PDE4B: variants seen among roughly 807,000 people sequenced by gnomAD.
PDE4B encodes the protein phosphodiesterase 4B.
PDE4B carries 20 observed loss-of-function variants against 82.2 expected under a neutral mutation model. The observed-to-expected ratio is 0.24, with a 90% CI of 0.17 to 0.35. The LOEUF is 0.35. PDE4B is among the 10% of genes least tolerant of loss of function. The pLI is 1.00. For synonymous variants in PDE4B, 320 were observed against 318.9 expected, an observed-to-expected ratio of 1.00 and a Z score of -0.04; for missense variants, 655 against 907.2, an observed-to-expected ratio of 0.72 and a Z score of 3.57.
chr1:65,887,246 C>CTTTCT (rs1282290754), intron 1 of PDE4B, among the ~76,000 whole-genome samples: 4 of 21,636 alleles, frequency 1.8e-4, no homozygotes, highest in African/African-American at 7.6e-4. Context: ...TTCTTTCTTT[C>CTTTCT]TTTTCTTTCT....
chr1:66,308,959 A>C (rs1207277080), intron 7 of PDE4B, among the ~76,000 whole-genome samples: 1 of 152,206 alleles, frequency 6.6e-6, no homozygotes, highest in African/African-American at 2.4e-5. Context: ...ATTAGAAAAA[A>C]GAAGGTTCAA....
chr1:66,303,202 A>G (rs2101843702), intron 7 of PDE4B, among the ~76,000 whole-genome samples: 1 of 152,272 alleles, frequency 6.6e-6, no homozygotes, highest in African/African-American at 2.4e-5. Flanking sequence ...TGTAGCCAAG[A>G]GGAAGTTTTG....
chr1:66,005,978 A>G (rs1322737866), intron 3 of PDE4B, among the ~76,000 whole-genome samples: 1 of 152,206 alleles, frequency 6.6e-6, no homozygotes, highest in Non-Finnish European at 1.5e-5. Context: ...TGAATATTCA[A>G]TACCAGTGTT....
intron 3 of PDE4B, among the ~76,000 whole-genome samples, chr1:66,177,563 A>G (rs1646957585): frequency 6.6e-6 from 1 of 152,236 alleles, no homozygotes; most frequent in African/African-American, 2.4e-5. Flanking sequence ...ACTAATAATC[A>G]CTCTGTAAAC....
In PDE4B at chr1:66,363,486, A is replaced by C. The variant is rs775879777; in HGVS notation, c.1199A>C (p.His400Pro). 2 of 1,613,804 alleles carry C rather than the reference A, an allele frequency of 1.2e-6. No homozygotes were observed. Among genetic ancestry groups the C allele is most frequent in the South Asian group, 2.2e-5 (2 of 91,076 alleles). The change falls in exon 12 of 17, where the codon CAT becomes CCT. Residue 400 changes from histidine to proline, a missense_variant. By Grantham distance (77) the His-to-Pro change is moderately conservative. Coordinates refer to ENST00000341517, the MANE Select transcript of PDE4B (RefSeq NM_002600.4). ...ATGATGACTTTAGAAGACCATTACC[A>C]TTCTGACGTGGCATATCACAACAGC... ...TYMMTLEDHYHSDVAYHNSLH... is the reference protein window; with the variant it reads ...TYMMTLEDHYPSDVAYHNSLH...
At chr1:65,939,738 G>A (rs1329593831) in intron 3 of PDE4B, among the ~76,000 whole-genome samples, 1 of 152,098 alleles carries the variant, frequency 6.6e-6, no homozygotes, top group East Asian at 1.9e-4. Context: ...AGTACTAGTT[G>A]TAATTTATAT....
At chr1:66,064,409 G>C (rs1655735545) in intron 3 of PDE4B, among the ~76,000 whole-genome samples, 1 of 151,764 alleles carries the variant, frequency 6.6e-6, no homozygotes, top group Non-Finnish European at 1.5e-5. Flanking sequence ...GTCACTAGCT[G>C]TTCTGCACTA....
intron 3 of PDE4B, among the ~76,000 whole-genome samples, chr1:66,147,749 G>A (rs1306267866): frequency 6.6e-6 from 1 of 152,166 alleles, no homozygotes; most frequent in Non-Finnish European, 1.5e-5. Context: ...ACTTGGAGAT[G>A]TTTTAAATCA....
In PDE4B at chr1:66,373,347, C is replaced by T. The variant is rs1333495229; in HGVS notation, c.*669C>T. 3.3e-5 allele frequency: 5 copies of T among 152,518 alleles called. No homozygotes were observed. The highest frequency in any genetic ancestry group is 7.3e-5 in the Non-Finnish European group (5 of 68,108). 9.4% of individuals were successfully genotyped at this position (152,518 alleles called of 1,614,324 possible). ...TCCAACTCCACAGTCACTCTTAAAA[C>T]TTCTCTCTGTTTGCCTGCCTCCAAC... On this transcript the variant is annotated 3_prime_UTR_variant, in exon 17 of 17. Coordinates refer to ENST00000341517, the MANE Select transcript of PDE4B (RefSeq NM_002600.4).
At chr1:66,130,138 A>C (rs375829943) in intron 3 of PDE4B, among the ~76,000 whole-genome samples, 65 of 152,212 alleles carry the variant, frequency 4.3e-4, no homozygotes, top group Admixed American at 1.3e-4. Context: ...TAGATTATCA[A>C]TCAAAGCAAA....
At chr1:66,032,100 T>C (rs1414982093) in intron 3 of PDE4B, among the ~76,000 whole-genome samples, 2 of 152,212 alleles carry the variant, frequency 1.3e-5, no homozygotes, top group African/African-American at 4.8e-5. Flanking sequence ...CAACAGCAGG[T>C]AGCTGAACTT....
intron 3 of PDE4B, among the ~76,000 whole-genome samples, chr1:66,205,931 C>T (rs745347248): frequency 2.0e-5 from 3 of 152,154 alleles, no homozygotes; most frequent in African/African-American, 7.2e-5. Flanking sequence ...GCAGTCCTGC[C>T]CCTCCCCTTG....
intron 3 of PDE4B, among the ~76,000 whole-genome samples, chr1:66,185,561 T>C (rs959374910): frequency 4.6e-5 from 7 of 152,132 alleles, no homozygotes; most frequent in East Asian, 1.9e-4. Flanking sequence ...TATCTCATTG[T>C]GGTTTTGATT....
chr1:66,162,644 G>A (rs1175128520), intron 3 of PDE4B, among the ~76,000 whole-genome samples: 1 of 152,000 alleles, frequency 6.6e-6, no homozygotes, highest in Non-Finnish European at 1.5e-5. Flanking sequence ...CTTACTTGTT[G>A]AGCATGCCAA....
chr1:65,824,025 C>T (rs1477987306), intron 1 of PDE4B, among the ~76,000 whole-genome samples: 9 of 152,128 alleles, frequency 5.9e-5, no homozygotes, highest in Admixed American at 2.6e-4. Context: ...GTAGCAAATC[C>T]AGGAAGTTAT....
At chr1:66,092,501 A>G (rs1367598744) in intron 3 of PDE4B, among the ~76,000 whole-genome samples, 2 of 152,090 alleles carry the variant, frequency 1.3e-5, no homozygotes, top group South Asian at 2.1e-4. Flanking sequence ...TCAGAGTACA[A>G]CTGAGAACAA....
At chr1:65,990,794 G>A (rs1651201649) in intron 3 of PDE4B, among the ~76,000 whole-genome samples, 1 of 152,172 alleles carries the variant, frequency 6.6e-6, no homozygotes, top group Non-Finnish European at 1.5e-5. Flanking sequence ...CTGTTACCTT[G>A]TCTTTGGAAT....
chr1:65,797,579 T>A (rs1158270888), intron 1 of PDE4B, among the ~76,000 whole-genome samples: 1 of 152,166 alleles, frequency 6.6e-6, no homozygotes, highest in Non-Finnish European at 1.5e-5. Flanking sequence ...ACGCTGCTGG[T>A]GCCACCTGAA....
At chr1:65,852,729 A>G (rs1646345759) in intron 1 of PDE4B, among the ~76,000 whole-genome samples, 1 of 152,034 alleles carries the variant, frequency 6.6e-6, no homozygotes, top group Non-Finnish European at 1.5e-5. Flanking sequence ...GATTTCTAGT[A>G]TAACTCTGTT....
Sources: allele counts gnomAD v4.1 joint callset (sites outside exome capture counted in the v4.1 genomes callset), GRCh38; gene constraint gnomAD v4.1.1; transcripts MANE v1.5; gene names NCBI Gene and HGNC (gene_info 2026-07-23, HGNC 2026-07-21).